BMS1: variants seen among roughly 807,000 people sequenced by gnomAD.
The protein encoded by BMS1 is ribosome biogenesis protein BMS1 homolog.
Under a neutral mutation model 138.7 loss-of-function variants are expected in BMS1, and 53 were observed. The ratio of observed to expected loss-of-function variants is 0.38; its 90% CI spans 0.31 to 0.48. The LOEUF is 0.48. Ranked by LOEUF, BMS1 falls within the 20% of genes least tolerant of loss-of-function variation. The pLI, the probability that BMS1 is intolerant of heterozygous loss-of-function variation, is 0.97. For synonymous variants in BMS1, 504 were observed against 539.9 expected, an observed-to-expected ratio of 0.93 and a Z score of 0.92; for missense variants, 1,360 against 1,565.5, an observed-to-expected ratio of 0.87 and a Z score of 2.22.
intron 11 of BMS1, among the ~76,000 whole-genome samples, chr10:42,797,885 T>C (rs904925794): frequency 6.6e-6 from 1 of 152,248 alleles, no homozygotes; most frequent in Non-Finnish European, 1.5e-5. Context: ...ACACATTTTG[T>C]TCTCCCTTTT....
intron 6 of BMS1, 29 bp downstream of exon 6, chr10:42,791,798 C>T (rs1359401597): frequency 1.9e-6 from 3 of 1,584,100 alleles, no homozygotes; most frequent in East Asian, 4.5e-5. Flanking sequence ...CTTTTTCTTC[C>T]TGGGCCATAT....
intron 4 of BMS1, 96 bp downstream of exon 4, chr10:42,787,343 A>G: frequency 7.2e-6 from 7 of 977,142 alleles, no homozygotes; most frequent in South Asian, 1.3e-5. Context: ...TCTTATAATT[A>G]TTAAAAGAAT....
intron 13 of BMS1, among the ~76,000 whole-genome samples, chr10:42,815,941 A>G (rs11239785): frequency 0.47 from 71,786 of 152,040 alleles, 17,661 homozygotes; most frequent in East Asian, 0.63. Flanking sequence ...ATCAGCGTGG[A>G]GCTTTTCTAT....
At chr10:42,802,304 A>G (rs1197319376) in intron 13 of BMS1, 86 bp downstream of exon 13, 4 of 1,163,972 alleles carry the variant, frequency 3.4e-6, no homozygotes, top group Non-Finnish European at 4.9e-6. Flanking sequence ...CAAATTGAAA[A>G]TAATAGTCAC....
At chr10:42,801,300 T>C (rs1159773354) in intron 12 of BMS1, among the ~76,000 whole-genome samples, 1 of 152,258 alleles carries the variant, frequency 6.6e-6, no homozygotes, top group Non-Finnish European at 1.5e-5. Flanking sequence ...CAGCAGATGA[T>C]GAAATTAGAG....
chr10:42,790,393 T>G lies in BMS1; in HGVS notation c.518T>G (p.Val173Gly), dbSNP rs1425626871. The change falls in exon 5 of 23, where the codon GTA becomes GGA. Residue 173 changes from valine (V) to glycine (G), a missense_variant. Val to Gly is a moderately radical substitution (Grantham distance 109, BLOSUM62 -3). Coordinates refer to ENST00000374518, the MANE Select transcript of BMS1 (RefSeq NM_014753.4). Reference protein sequence around the residue: ...ETFEFLNICQVHGFPKIMGVL... With the variant: ...ETFEFLNICQGHGFPKIMGVL... ...TTTGAGTTTCTAAACATCTGTCAAGTACATGGCTTTCCTAAAATTATGGGA... is the reference window on the plus strand; with the variant it reads ...TTTGAGTTTCTAAACATCTGTCAAGGACATGGCTTTCCTAAAATTATGGGA... The G allele has an allele frequency of 6.2e-7, 1 of 1,613,912 alleles. No homozygotes were observed. Among genetic ancestry groups the G allele is most frequent in the Non-Finnish European group, 8.5e-7 (1 of 1,179,830 alleles).
At position 42,814,525 on chromosome 10, in the gene BMS1, T is replaced by G. The variant is rs77959291; in HGVS notation, c.2330-2074T>G. On this transcript the variant is annotated intron_variant, in intron 13 of 22. Coordinates refer to ENST00000374518, the MANE Select transcript of BMS1 (RefSeq NM_014753.4). ...GGATTTGTAGTTGCTTGTTGAAGCATATTTATGCTGACTGTTATAAGTGAT... is the reference window on the plus strand; with the variant it reads ...GGATTTGTAGTTGCTTGTTGAAGCAGATTTATGCTGACTGTTATAAGTGAT... Among the ~76,000 whole-genome samples, 1,495 of 152,368 alleles carry G rather than the reference T, an allele frequency of 9.8e-3. 58 individuals carry two copies. In the East Asian group the frequency reaches 0.11, roughly 11 times the overall value.
At chr10:42,793,309 A>G (rs1460432412) in intron 8 of BMS1, among the ~76,000 whole-genome samples, 165 bp downstream of exon 8, 2 of 151,998 alleles carry the variant, frequency 1.3e-5, no homozygotes, top group African/African-American at 2.4e-5. Context: ...GATAAAAATA[A>G]TACTTTTTTT....
rs1419910085 is a variant in BMS1, at chr10:42,797,137, A to G, written c.1893A>G (p.Pro631=). Residue 631 remains proline (P), a synonymous_variant, in exon 10 of 23, where the codon CCA becomes CCG. Coordinates refer to ENST00000374518, the MANE Select transcript of BMS1 (RefSeq NM_014753.4). ...TGAGCAGTGGTCAGAAACTGGGGCC[A>G]CAGAACTTCATTGATGAGACCAGTG... ...SQVSSGQKLG[P]QNFIDETSDI... The G allele has an allele frequency of 6.2e-7, 1 of 1,614,116 alleles. No individual in the cohort carries two copies. The highest frequency in any genetic ancestry group is 8.5e-7 in the Non-Finnish European group (1 of 1,180,048).
rs771676739 is a variant in BMS1, at chr10:42,793,088, G to A, written c.1033G>A (p.Val345Met). ...TGCGCCTCTTTCTGGAGTTGGGGGT[G>A]TGCTGTATGACAAAGACGCTGTCTA... Reference protein sequence around the residue: ...VYAPLSGVGGVLYDKDAVYVD... With the variant: ...VYAPLSGVGGMLYDKDAVYVD... The change falls in exon 8 of 23, where the codon GTG becomes ATG. Residue 345 changes from valine (V) to methionine (M), a missense_variant. Val to Met is a conservative substitution (Grantham distance 21). This residue lies in a region of BMS1 where 697 missense variants were observed against 686.2 expected (regional missense o/e 1.02). Coordinates refer to ENST00000374518, the MANE Select transcript of BMS1 (RefSeq NM_014753.4). 2 of 1,613,900 alleles carry A rather than the reference G, an allele frequency of 1.2e-6. No individual in the cohort carries two copies. The highest frequency in any genetic ancestry group is 2.7e-5 in the African/African-American group (2 of 74,898).
Position 42,832,884 on chromosome 10 carries a change from TG to T in BMS1, c.*1789del, listed in dbSNP as rs1195577804. On this transcript the variant is annotated 3_prime_UTR_variant, in exon 23 of 23. Transcript: ENST00000374518. ...TAACAATTATAATTTAAAACTAATT[TG>T]TTATATAGCATAATTGATATATTTT... 6.6e-6 allele frequency: 1 copy of T among 152,192 alleles called. No homozygotes were observed. The highest frequency in any genetic ancestry group is 1.5e-5 in the Non-Finnish European group (1 of 68,040). The allele number at this position is 152,192 out of a possible 1,614,324, so 9.4% of individuals were successfully genotyped here. A position where few individuals can be genotyped will look rare whatever the true frequency, so the allele number is the denominator to read the frequency against.
intron 4 of BMS1, among the ~76,000 whole-genome samples, chr10:42,787,775 A>G (rs969624665): frequency 1.3e-5 from 2 of 152,184 alleles, no homozygotes; most frequent in African/African-American, 2.4e-5. Flanking sequence ...CTTAATGATA[A>G]TGCTGAAGTA....
At position 42,820,694 on chromosome 10, in the gene BMS1, A is replaced by G. The variant is rs1449342018; in HGVS notation, c.2950+6A>G. ...TTGCGGAGCAGCCTTTTGGGGTAAA[A>G]TATGATTACAATAACTTGCCTGTTG... is the stretch of plus-strand genomic sequence containing the variant. On this transcript the variant is annotated splice_donor_region_variant and intron_variant, in intron 17 of 22. Coordinates refer to ENST00000374518, the MANE Select transcript of BMS1 (RefSeq NM_014753.4). 1 of 1,610,410 alleles carries G rather than the reference A, an allele frequency of 6.2e-7. No individual in the cohort carries two copies. The highest frequency in any genetic ancestry group is 2.2e-5 in the East Asian group (1 of 44,874).
At chr10:42,816,560 C>T in intron 13 of BMS1, 39 bp from the exon 14 acceptor site, 1 of 1,561,534 alleles carries the variant, frequency 6.4e-7, no homozygotes, top group African/African-American at 1.4e-5. Context: ...CACATGCATA[C>T]CTGGCTCACA....
At position 42,787,149 on chromosome 10, in the gene BMS1, T is replaced by C; in HGVS notation, c.368-19T>C. 1 of 865,566 alleles carries C rather than the reference T, an allele frequency of 1.2e-6. No homozygotes were observed. Among genetic ancestry groups the C allele is most frequent in the Non-Finnish European group, 1.9e-6 (1 of 531,648 alleles). The allele number at this position is 865,566 out of a possible 1,614,324, so 53.6% of individuals were successfully genotyped here. ...TTCAGGGTCTTTTTAAAGTAAAATT[T>C]TCATCTTTTCACTTATAGGTAAAAA... On this transcript the variant is annotated intron_variant, in intron 3 of 22. Coordinates refer to ENST00000374518, the MANE Select transcript of BMS1 (RefSeq NM_014753.4).
At chr10:42,801,993 G>T (rs1261904971) in intron 12 of BMS1, 144 bp from the exon 13 acceptor site, 3 of 568,464 alleles carry the variant, frequency 5.3e-6, no homozygotes, top group East Asian at 6.0e-5. Flanking sequence ...CAAAGGTAAA[G>T]TTATTTTCTG....
In BMS1 at chr10:42,817,437, T is replaced by C; in HGVS notation, c.2523T>C (p.Asp841=). Residue 841 remains aspartate, a synonymous_variant, in exon 15 of 23, where the codon GAT becomes GAC. Coordinates refer to ENST00000374518, the MANE Select transcript of BMS1 (RefSeq NM_014753.4). The part of the protein sequence containing the change: ...KLKEMFDAEY[D]EGESTYFDDL... ...AGGAGATGTTTGATGCAGAATATGA[T>C]GAAGGAGAAAGCACATATTTTGATG... The C allele has an allele frequency of 1.9e-6, 3 of 1,608,192 alleles. No individual in the cohort carries two copies. The highest frequency in any genetic ancestry group is 2.5e-6 in the Non-Finnish European group (3 of 1,179,062).
intron 5 of BMS1, among the ~76,000 whole-genome samples, chr10:42,791,177 T>C (rs953534261): frequency 6.6e-6 from 1 of 152,350 alleles, no homozygotes; most frequent in Admixed American, 6.5e-5. Flanking sequence ...CTGGAAGGTT[T>C]CCCTCAAAAG....
chr10:42,820,317 A>G lies in BMS1; in HGVS notation c.2662A>G (p.Ile888Val), dbSNP rs2419108. Residue 888 changes from isoleucine (I) to valine (V), a missense_variant, in exon 16 of 23, where the codon ATT (isoleucine) becomes GTT (valine). Physicochemically the swap from Ile to Val is conservative, Grantham distance 29 (BLOSUM62 3). Coordinates refer to ENST00000374518, the MANE Select transcript of BMS1 (RefSeq NM_014753.4). Reference protein sequence around the residue: ...EGFRPGMYVRIEIENVPCEFV... With the variant: ...EGFRPGMYVRVEIENVPCEFV... ...TTTTCGACCTGGGATGTACGTCCGC[A>G]TTGAGATTGAAAATGTTCCCTGTGA... is the stretch of plus-strand genomic sequence containing the variant. 5 of 1,613,704 alleles carry G rather than the reference A, an allele frequency of 3.1e-6. No individual in the cohort carries two copies. In the African/African-American group the frequency reaches 4.0e-5, roughly 13 times the overall value.
Sources: allele counts gnomAD v4.1 joint callset (sites outside exome capture counted in the v4.1 genomes callset), GRCh38; gene constraint gnomAD v4.1.1; regional missense constraint gnomAD v4.1.1; transcripts MANE v1.5; gene names NCBI Gene and HGNC (gene_info 2026-07-23, HGNC 2026-07-21).